The following TMEFF2 variants were observed in gnomAD, a reference collection of about 807,000 sequenced individuals.
TMEFF2 encodes tomoregulin-2.
TMEFF2 carries 28 observed loss-of-function variants against 53.8 expected under a neutral mutation model. The ratio of observed to expected loss-of-function variants is 0.52; its 90% confidence interval spans 0.39 to 0.71. The LOEUF (loss-of-function observed/expected upper bound fraction) is 0.71. Among genes scored for constraint, TMEFF2 ranks in the 30% least tolerant of loss-of-function variants. The pLI is 0.00. For synonymous variants in TMEFF2, 162 were observed against 166.3 expected, an observed-to-expected ratio of 0.97 and a Z score of 0.20; for missense variants, 353 against 455.2, an observed-to-expected ratio of 0.78 and a Z score of 2.04.
At chr2:192,177,432 C>T (rs1462595671) in intron 4 of TMEFF2, 2 of 150,230 alleles carry the variant, frequency 1.3e-5, no homozygotes, top group African/African-American at 4.9e-5. Context: ...AATAGTCTTA[C>T]AGACCAAAGT....
At chr2:192,134,827 A>G (rs1198421634) in intron 4 of TMEFF2, among the ~76,000 whole-genome samples, 1 of 152,198 alleles carries the variant, frequency 6.6e-6, no homozygotes, top group Non-Finnish European at 1.5e-5. Flanking sequence ...ATACAGTCTG[A>G]TAACAGACCA....
At chr2:191,992,400 C>T (rs1349985273) in intron 7 of TMEFF2, among the ~76,000 whole-genome samples, 1 of 151,964 alleles carries the variant, frequency 6.6e-6, no homozygotes, top group Non-Finnish European at 1.5e-5. Flanking sequence ...GATATCCATG[C>T]CTAAATATGT....
At position 192,164,874 on chromosome 2, in the gene TMEFF2, G is replaced by A. The variant is rs970250659; in HGVS notation, c.439+14794C>T. 5.3e-5 allele frequency among the ~76,000 whole-genome samples: 8 copies of A among 152,258 alleles called. No individual in the cohort carries two copies. The East Asian group carries it at 1.5e-3, about 29-fold the overall frequency. On this transcript the variant is annotated intron_variant, in intron 4 of 9. Transcript: ENST00000272771. ...TAGCATCTAAAATATGGTTGGCACA[G>A]AGTATAATAATATTATGCTATGTTA...
chr2:192,059,887 TATAAA>T (rs1446135580), intron 4 of TMEFF2, among the ~76,000 whole-genome samples: 3 of 152,096 alleles, frequency 2.0e-5, no homozygotes, highest in Admixed American at 6.6e-5. Context: ...CACAAAGAAA[TATAAA>T]ATAAAGTATT....
At chr2:191,951,181 G>A (rs1459659427) in intron 9 of TMEFF2, among the ~76,000 whole-genome samples, 1 of 151,652 alleles carries the variant, frequency 6.6e-6, no homozygotes, top group Non-Finnish European at 1.5e-5. Flanking sequence ...GTGTGTGTAT[G>A]TATGTGTATA....
At chr2:192,054,094 C>T (rs1687843071) in intron 5 of TMEFF2, among the ~76,000 whole-genome samples, 1 of 151,868 alleles carries the variant, frequency 6.6e-6, no homozygotes, top group Non-Finnish European at 1.5e-5. Context: ...CTCTAATCTT[C>T]ACAGCCGTGG....
At chr2:192,028,788 T>G (rs1340371350) in intron 5 of TMEFF2, 1 of 152,180 alleles carries the variant, frequency 6.6e-6, no homozygotes, top group Non-Finnish European at 1.5e-5. Context: ...ATTTTGGTGA[T>G]TCTATATAAA....
chr2:192,107,631 T>A (rs181179134), intron 4 of TMEFF2, among the ~76,000 whole-genome samples: 9 of 151,842 alleles, frequency 5.9e-5, no homozygotes, highest in African/African-American at 1.7e-4. Flanking sequence ...GGAGCTAAAG[T>A]TTTTTATAGA....
Position 192,194,761 on chromosome 2 carries a change from C to G in TMEFF2, c.-237G>C, listed in dbSNP as rs1299853457. The G allele has an allele frequency of 1.8e-6, 1 of 549,724 alleles. No homozygotes were observed. Among genetic ancestry groups the G allele is most frequent in the Non-Finnish European group, 3.3e-6 (1 of 307,122 alleles). The allele number at this position is 549,724 out of a possible 1,614,324, so 34.1% of individuals were successfully genotyped here. On this transcript the variant is annotated 5_prime_UTR_variant, in exon 1 of 10. Coordinates refer to ENST00000272771, the MANE Select transcript of TMEFF2 (RefSeq NM_016192.4). The surrounding 1 kb of genome is among the most constrained non-coding windows in gnomAD (Gnocchi z 4.2). The stretch of plus-strand genomic sequence containing the variant: ...AGGGTCGTCCGCTGAGAAGCTGCGC[C>G]GGAGACGCGGGAAGCTGCTGCCATA...
At chr2:192,155,491 A>G (rs1690486574) in intron 4 of TMEFF2, among the ~76,000 whole-genome samples, 1 of 152,132 alleles carries the variant, frequency 6.6e-6, no homozygotes, top group African/African-American at 2.4e-5. Flanking sequence ...TATCCAACTT[A>G]GACTCTTCAA....
At chr2:192,172,676 C>G (rs1386829294) in intron 4 of TMEFF2, among the ~76,000 whole-genome samples, 1 of 151,878 alleles carries the variant, frequency 6.6e-6, no homozygotes, top group Non-Finnish European at 1.5e-5. Context: ...GTCCCATGGA[C>G]TGAGGTGTGT....
chr2:192,147,391 T>C (rs968116541), intron 4 of TMEFF2, among the ~76,000 whole-genome samples: 1 of 152,078 alleles, frequency 6.6e-6, no homozygotes, highest in African/African-American at 2.4e-5. Context: ...GCAGGTTTGT[T>C]ACATATGTAT....
intron 5 of TMEFF2, among the ~76,000 whole-genome samples, chr2:192,056,612 A>G (rs896340445): frequency 6.6e-6 from 1 of 152,174 alleles, no homozygotes; most frequent in African/African-American, 2.4e-5. Context: ...TGATGAACAT[A>G]TCTTTAAAAG....
intron 4 of TMEFF2, among the ~76,000 whole-genome samples, chr2:192,097,671 T>C (rs566891945): frequency 6.6e-6 from 1 of 152,314 alleles, no homozygotes; most frequent in South Asian, 2.1e-4. Context: ...GGTCACGTCA[T>C]TTCTCAACTG....
At chr2:192,119,689 C>T (rs899755990) in intron 4 of TMEFF2, among the ~76,000 whole-genome samples, 1 of 152,162 alleles carries the variant, frequency 6.6e-6, no homozygotes, top group Non-Finnish European at 1.5e-5. Context: ...ATGGAGGTTT[C>T]ATTTCCTGCT....
At chr2:192,118,500 G>A (rs1163188584) in intron 4 of TMEFF2, among the ~76,000 whole-genome samples, 1 of 152,136 alleles carries the variant, frequency 6.6e-6, no homozygotes, top group East Asian at 1.9e-4. Flanking sequence ...GCTCTGAAGT[G>A]CCCTCCTTGT....
At chr2:191,972,308 C>CTTTTT (rs764218539) in intron 7 of TMEFF2, among the ~76,000 whole-genome samples, 9 of 72,820 alleles carry the variant, frequency 1.2e-4, no homozygotes, top group Non-Finnish European at 1.6e-4. Context: ...TCATGCCCAG[C>CTTTTT]TTTTTTTTTT....
chr2:192,001,073 T>C (rs1401800491), intron 5 of TMEFF2, among the ~76,000 whole-genome samples: 3 of 152,174 alleles, frequency 2.0e-5, no homozygotes, highest in African/African-American at 7.2e-5. Context: ...GCCTTAATCA[T>C]TGTATTAAAT....
intron 4 of TMEFF2, among the ~76,000 whole-genome samples, chr2:192,076,415 T>A (rs984729372): frequency 6.6e-6 from 1 of 152,126 alleles, no homozygotes; most frequent in Admixed American, 6.6e-5. Flanking sequence ...AAAAATAGAA[T>A]GCCATGAGAG....
Sources: allele counts gnomAD v4.1 joint callset (sites outside exome capture counted in the v4.1 genomes callset), GRCh38; gene constraint gnomAD v4.1.1; non-coding constraint Gnocchi (gnomAD v3.1); transcripts MANE v1.5; gene names NCBI Gene and HGNC (gene_info 2026-07-23, HGNC 2026-07-21).